The following ANK2 variants were observed in gnomAD, a reference collection of about 807,000 sequenced individuals.
The protein encoded by ANK2 is ankyrin 2, also known as ankyrin-2.
ANK2 carries 83 observed loss-of-function variants against 360.5 expected under a neutral mutation model. That is an observed-to-expected ratio of 0.23 (90% CI 0.19 to 0.28). ANK2 has a LOEUF of 0.28. Among genes scored for constraint, ANK2 ranks in the 10% least tolerant of loss-of-function variants. The pLI is 1.00. For synonymous variants in ANK2, 1,740 were observed against 1,759.5 expected (o/e 0.99, Z 0.28); for missense variants, 4,201 against 4,795.7 (o/e 0.88, Z 3.66).
rs117231662 is a variant in ANK2, at chr4:113,217,740, G to T, written c.385-14421G>T. Among the ~76,000 whole-genome samples the T allele has an allele frequency of 9.2e-5, 14 of 152,264 alleles. No homozygotes were observed. The East Asian group carries it at 2.7e-3, about 29-fold the overall frequency. On this transcript the variant is annotated intron_variant, in intron 4 of 45. Coordinates refer to ENST00000357077, the MANE Select transcript of ANK2 (RefSeq NM_001148.6). Reference sequence around the variant, plus strand: ...CCCCCGCCCCGACTCACCTTCTGCTGTGCGGCCCAGTTTCAGTACCGGTTC... The same window carrying T: ...CCCCCGCCCCGACTCACCTTCTGCTTTGCGGCCCAGTTTCAGTACCGGTTC...
intron 2 of ANK2, among the ~76,000 whole-genome samples, chr4:113,014,788 C>A (rs890286010): frequency 2.0e-5 from 3 of 148,444 alleles, no homozygotes; most frequent in Non-Finnish European, 3.0e-5. Context: ...TATATAGGAG[C>A]CAATAATCTC....
chr4:113,290,515 T>C (rs1452164296), intron 20 of ANK2, among the ~76,000 whole-genome samples: 1 of 152,176 alleles, frequency 6.6e-6, no homozygotes, highest in Non-Finnish European at 1.5e-5. Context: ...TTATAGCAAC[T>C]TGGGACGAAC....
At chr4:112,715,589 C>T in the ANK2 span, among the ~76,000 whole-genome samples, 1 of 152,194 alleles carries the variant, frequency 6.6e-6, no homozygotes, top group African/African-American at 2.4e-5. Flanking sequence ...TATTTCCTCA[C>T]TTAAATCTTC....
At chr4:113,291,420 A>C (rs1182751143) in intron 20 of ANK2, among the ~76,000 whole-genome samples, 2 of 150,836 alleles carry the variant, frequency 1.3e-5, no homozygotes, top group African/African-American at 2.4e-5. Context: ...AGGAGATGTA[A>C]GACTTCCAAC....
intron 24 of ANK2, among the ~76,000 whole-genome samples, chr4:113,315,697 G>A (rs1001763299): frequency 2.0e-5 from 3 of 152,064 alleles, no homozygotes; most frequent in Non-Finnish European, 4.4e-5. Context: ...AGGAGATCGA[G>A]ACCATCCTGG....
chr4:112,713,494 T>C, the ANK2 span, among the ~76,000 whole-genome samples: 6 of 151,790 alleles, frequency 4.0e-5, no homozygotes, highest in South Asian at 1.0e-3. Context: ...GCTTGAACCC[T>C]GGAGGCGGAG....
At chr4:112,791,326 A>C in the ANK2 span, among the ~76,000 whole-genome samples, 1 of 152,134 alleles carries the variant, frequency 6.6e-6, no homozygotes, top group Admixed American at 6.5e-5. Flanking sequence ...CTGAAGGAGC[A>C]AGGTAAAGCT....
the ANK2 span, among the ~76,000 whole-genome samples, chr4:112,804,193 T>G: frequency 6.6e-6 from 1 of 152,122 alleles, no homozygotes; most frequent in Non-Finnish European, 1.5e-5. Flanking sequence ...TAATTTTTTT[T>G]GTATTTTTAG....
the ANK2 span, among the ~76,000 whole-genome samples, chr4:112,780,859 G>A: frequency 7.9e-5 from 12 of 152,234 alleles, no homozygotes; most frequent in African/African-American, 2.9e-4. Flanking sequence ...GACATGTGGG[G>A]ATTATCAGGA....
chr4:113,164,386 T>C (rs1180995479), intron 1 of ANK2, among the ~76,000 whole-genome samples: 1 of 152,240 alleles, frequency 6.6e-6, no homozygotes, highest in African/African-American at 2.4e-5. Flanking sequence ...TCTTTTAAAA[T>C]AGTCTCCGTA....
rs763855448 is a variant in ANK2 at position 113,373,141 on chromosome 4, A to G, written c.11662A>G (p.Ile3888Val). The G allele has an allele frequency of 2.5e-6, 4 of 1,614,066 alleles. No individual in the cohort carries two copies. In the African/African-American group the frequency reaches 4.0e-5, roughly 16 times the overall value. Residue 3888 changes from isoleucine (I) to valine (V), a missense_variant, in exon 44 of 46, where the codon ATT becomes GTT. Ile to Val is a conservative substitution (Grantham distance 29). Around this residue, in one of 4 missense-constraint regions of ANK2, gnomAD observed 2,642 missense variants for 2,714.5 expected, o/e 0.97. Transcript: ENST00000357077. The part of the protein sequence containing the change: ...PPETVTEEEY[I>V]DEHGHTVVKK... ...AGAAACAGTCACAGAAGAAGAATAC[A>G]TTGATGAGCATGGACACACCGTGGT...
chr4:112,730,997 C>G, the ANK2 span, among the ~76,000 whole-genome samples: 1 of 151,952 alleles, frequency 6.6e-6, no homozygotes, highest in African/African-American at 2.4e-5. Flanking sequence ...AAAAAATTAG[C>G]TGGGCATGGT....
At chr4:112,978,895 G>C (rs1410044394) in intron 2 of ANK2, among the ~76,000 whole-genome samples, 26 of 152,206 alleles carry the variant, frequency 1.7e-4, no homozygotes, top group Admixed American at 1.7e-3. Flanking sequence ...TGTTACTGGA[G>C]CCAACTGTGT....
intron 26 of ANK2, among the ~76,000 whole-genome samples, chr4:113,320,392 G>A (rs2085419204): frequency 6.6e-6 from 1 of 152,144 alleles, no homozygotes. Context: ...AGTGGCTCAC[G>A]CCTATAATCC....
intron 2 of ANK2, among the ~76,000 whole-genome samples, chr4:112,959,183 G>C (rs921333439): frequency 6.6e-6 from 1 of 152,128 alleles, no homozygotes; most frequent in African/African-American, 2.4e-5. Flanking sequence ...ATATTGGGTA[G>C]TGGCATAAAG....
chr4:112,844,124 A>G (rs1467606626), intron 1 of ANK2, among the ~76,000 whole-genome samples: 2 of 152,216 alleles, frequency 1.3e-5, no homozygotes, highest in Non-Finnish European at 2.9e-5. Context: ...ACTGAAATAT[A>G]TCTTAAAAAG....
At chr4:112,800,845 G>A in the ANK2 span, among the ~76,000 whole-genome samples, 3 of 152,004 alleles carry the variant, frequency 2.0e-5, no homozygotes, top group Admixed American at 6.6e-5. Context: ...TAGTAGAGAC[G>A]GGTTTCACCA....
At chr4:112,749,987 G>T in the ANK2 span, among the ~76,000 whole-genome samples, 4 of 152,060 alleles carry the variant, frequency 2.6e-5, no homozygotes, top group Admixed American at 6.5e-5. Context: ...CCCGTGATCC[G>T]CCCTCCTTGG....
intron 1 of ANK2, among the ~76,000 whole-genome samples, chr4:112,879,174 C>T (rs2076042195): frequency 6.6e-6 from 1 of 152,180 alleles, no homozygotes; most frequent in Admixed American, 6.5e-5. Context: ...ATTCCCAGCT[C>T]TTGGTACATT....
Sources: allele counts gnomAD v4.1 joint callset (sites outside exome capture counted in the v4.1 genomes callset), GRCh38; gene constraint gnomAD v4.1.1; regional missense constraint gnomAD v4.1.1; transcripts MANE v1.5; gene names NCBI Gene and HGNC (gene_info 2026-07-23, HGNC 2026-07-21).